PDE11A: variants seen among roughly 807,000 people sequenced by gnomAD.
PDE11A encodes phosphodiesterase 11A, also known as dual 3',5'-cyclic-AMP and -GMP phosphodiesterase 11A.
In PDE11A, 100 loss-of-function variants were observed where a neutral mutation model predicts 100.5. That is an observed-to-expected ratio of 1.00 (90% CI 0.85 to 1.18). PDE11A has a LOEUF of 1.18. PDE11A is among the 50% of genes most tolerant of loss of function. The pLI is 0.00. For missense variants in PDE11A, 1,141 were observed against 1,152.6 expected, an observed-to-expected ratio of 0.99 and a Z score of 0.15; for synonymous variants, 381 against 420.8, an observed-to-expected ratio of 0.91 and a Z score of 1.16.
chr2:177,910,842 C>A (rs2084869957), intron 2 of PDE11A, among the ~76,000 whole-genome samples: 1 of 152,088 alleles, frequency 6.6e-6, no homozygotes, highest in Non-Finnish European at 1.5e-5. Flanking sequence ...ACTTGCAAGC[C>A]ACAGAGAAAG....
intron 2 of PDE11A, among the ~76,000 whole-genome samples, chr2:177,929,686 T>G (rs946862109): frequency 6.6e-6 from 1 of 152,080 alleles, no homozygotes; most frequent in African/African-American, 2.4e-5. Flanking sequence ...AATGTGGGGG[T>G]GTGGGAAGAG....
chr2:177,648,737 A>G (rs1342869421), intron 19 of PDE11A, among the ~76,000 whole-genome samples: 1 of 152,130 alleles, frequency 6.6e-6, no homozygotes, highest in Non-Finnish European at 1.5e-5. Context: ...TAAAAATAGA[A>G]ACAAAGTTAA....
chr2:177,642,444 C>T (rs2080157606), intron 19 of PDE11A, among the ~76,000 whole-genome samples: 1 of 152,212 alleles, frequency 6.6e-6, no homozygotes, highest in Non-Finnish European at 1.5e-5. Flanking sequence ...CTGAGTTCTT[C>T]TCAGACTAGA....
At chr2:177,875,982 A>T in intron 4 of PDE11A, 59 bp from the exon 5 acceptor site, 1 of 951,360 alleles carries the variant, frequency 1.1e-6, no homozygotes, top group Non-Finnish European at 1.7e-6. Context: ...CGTTTAAAAT[A>T]ATGTAATAAA....
chr2:177,786,544 C>T (rs1353366840), intron 9 of PDE11A, among the ~76,000 whole-genome samples: 1 of 152,194 alleles, frequency 6.6e-6, no homozygotes, highest in Non-Finnish European at 1.5e-5. Flanking sequence ...CGGAGAATGA[C>T]TTTGACGAGT....
chr2:177,752,451 C>T (rs1332531326), intron 10 of PDE11A, among the ~76,000 whole-genome samples: 2 of 152,112 alleles, frequency 1.3e-5, no homozygotes, highest in Non-Finnish European at 2.9e-5. Context: ...GTCTTTTCAT[C>T]CATAAAATGA....
intron 1 of PDE11A, among the ~76,000 whole-genome samples, chr2:178,023,781 C>T (rs1159213158): frequency 6.6e-6 from 1 of 152,006 alleles, no homozygotes; most frequent in African/African-American, 2.4e-5. Context: ...CTTTGAGTTA[C>T]AAAATATAGC....
At chr2:177,812,041 G>A (rs936387896) in intron 9 of PDE11A, among the ~76,000 whole-genome samples, 21 of 152,150 alleles carry the variant, frequency 1.4e-4, no homozygotes, top group African/African-American at 4.3e-4. Context: ...TGAAGATTAA[G>A]GACTCCAAAT....
intron 6 of PDE11A, among the ~76,000 whole-genome samples, chr2:177,827,125 G>T (rs2083237622): frequency 6.6e-6 from 1 of 152,182 alleles, no homozygotes; most frequent in African/African-American, 2.4e-5. Flanking sequence ...CTAAATCAGA[G>T]AATCTCAGAG....
chr2:177,703,956 C>G (rs1574061589), intron 13 of PDE11A, among the ~76,000 whole-genome samples: 1 of 152,210 alleles, frequency 6.6e-6, no homozygotes, highest in East Asian at 1.9e-4. Context: ...GACCATCTTC[C>G]TCGTCAGATT....
chr2:177,839,886 A>C (rs1264948842), intron 6 of PDE11A, among the ~76,000 whole-genome samples: 1 of 152,246 alleles, frequency 6.6e-6, no homozygotes, highest in African/African-American at 2.4e-5. Flanking sequence ...GATAATTAAC[A>C]TTAAACAATA....
At chr2:177,968,332 T>C (rs1338548458) in intron 2 of PDE11A, among the ~76,000 whole-genome samples, 1 of 152,212 alleles carries the variant, frequency 6.6e-6, no homozygotes. Context: ...ATAAAATAAT[T>C]TGTTCAGGCA....
At chr2:178,078,527 G>T (rs958053520) in intron 2 of PDE11A, among the ~76,000 whole-genome samples, 3 of 152,050 alleles carry the variant, frequency 2.0e-5, no homozygotes, top group African/African-American at 7.2e-5. Flanking sequence ...AAATTTCAAA[G>T]ATATCTTGGT....
chr2:178,038,606 A>G (rs1292048068), intron 1 of PDE11A, among the ~76,000 whole-genome samples: 2 of 152,196 alleles, frequency 1.3e-5, no homozygotes, highest in African/African-American at 4.8e-5. Context: ...ACAATAAGAG[A>G]AAACACAAAC....
At chr2:177,994,655 A>G (rs1343671051) in intron 2 of PDE11A, among the ~76,000 whole-genome samples, 1 of 152,204 alleles carries the variant, frequency 6.6e-6, no homozygotes, top group Non-Finnish European at 1.5e-5. Flanking sequence ...TACTTGACCC[A>G]ATGATCTGTG....
rs1297480663 is a variant in PDE11A, at chr2:177,947,012, G to T, written c.1072-41825C>A. Among the ~76,000 whole-genome samples the T allele has an allele frequency of 1.0e-4, 10 of 99,170 alleles. 1 individual carries two copies. Among genetic ancestry groups the T allele is most frequent in the South Asian group, 3.6e-4 (1 of 2,778 alleles). 65.1% of individuals were successfully genotyped at this position (99,170 alleles called of 152,430 possible). On this transcript the variant is annotated intron_variant, in intron 2 of 19. Transcript: ENST00000286063. ...CAGCCGCCCCGTCCGGGAAGGAGGT[G>T]GGGGGGGTCAGCCCCCCGCCCGGCC...
At chr2:177,749,976 T>C (rs2082004499) in intron 10 of PDE11A, among the ~76,000 whole-genome samples, 1 of 152,196 alleles carries the variant, frequency 6.6e-6, no homozygotes, top group African/African-American at 2.4e-5. Flanking sequence ...AGAGTTTGGG[T>C]TTCATTTACA....
chr2:177,720,968 T>C (rs1435606098), intron 12 of PDE11A, among the ~76,000 whole-genome samples: 1 of 152,136 alleles, frequency 6.6e-6, no homozygotes, highest in Admixed American at 6.6e-5. Flanking sequence ...TGCTTGTGTA[T>C]GTAAGTCTCA....
intron 5 of PDE11A, among the ~76,000 whole-genome samples, chr2:177,842,818 G>A (rs915445375): frequency 1.3e-4 from 20 of 152,290 alleles, no homozygotes; most frequent in African/African-American, 4.8e-4. Flanking sequence ...TTGTTTTAAG[G>A]AGTGGGGAGA....
Sources: gnomAD v4.1 joint callset for allele counts (sites outside exome capture counted in the v4.1 genomes callset) on GRCh38, gnomAD v4.1.1 for gene constraint, MANE v1.5 for transcripts, NCBI Gene and HGNC (gene_info 2026-07-23, HGNC 2026-07-21) for gene names.